TM9SF2: variants seen among roughly 807,000 people sequenced by gnomAD.
TM9SF2 encodes transmembrane 9 superfamily member 2.
In TM9SF2, 13 loss-of-function variants were observed where a neutral mutation model predicts 84.9. That is an observed-to-expected ratio of 0.15 (90% confidence interval 0.10 to 0.24). The LOEUF (loss-of-function observed/expected upper bound fraction) is 0.24. TM9SF2 is among the 10% of genes least tolerant of loss of function. The pLI is 1.00. For missense variants in TM9SF2, 562 were observed against 818.5 expected (o/e 0.69, Z 3.82); for synonymous variants, 273 against 285.8 (o/e 0.96, Z 0.45).
Position 99,501,674 on chromosome 13 carries a change from T to G in TM9SF2, c.68T>G (p.Leu23Arg), listed in dbSNP as rs767895232. 1.2e-6 allele frequency: 2 copies of G among 1,613,328 alleles called. No individual in the cohort carries two copies. The highest frequency in any genetic ancestry group is 1.7e-6 in the Non-Finnish European group (2 of 1,179,772). Residue 23 changes from leucine to arginine, a missense_variant, in exon 1 of 17, where the codon CTG becomes CGG. Leu to Arg is a moderately radical substitution (Grantham distance 102). Around this residue, in one of 4 missense-constraint regions of TM9SF2, gnomAD observed 267 missense variants for 316.7 expected, o/e 0.84. Transcript: ENST00000376387. ...CGGCTGTTGCTGCTGTCGCTGCTCCTGCTGGGGGCGGTTCCTGGCCCGCGC... is the reference window on the plus strand; with the variant it reads ...CGGCTGTTGCTGCTGTCGCTGCTCCGGCTGGGGGCGGTTCCTGGCCCGCGC... ...WPRLLLLSLLLLGAVPGPRRS... is the reference protein window; with the variant it reads ...WPRLLLLSLLRLGAVPGPRRS...
intron 5 of TM9SF2, among the ~76,000 whole-genome samples, chr13:99,537,201 G>T (rs543159280): frequency 2.8e-4 from 43 of 152,246 alleles, no homozygotes; most frequent in African/African-American, 9.1e-4. Flanking sequence ...TTAGAACTAG[G>T]TGGGGATATA....
rs1334793529 is a variant in TM9SF2 at position 99,539,461 on chromosome 13, T to C, written c.732T>C (p.His244=). 1 of 1,612,176 alleles carries C rather than the reference T, an allele frequency of 6.2e-7. No homozygotes were observed. Among genetic ancestry groups the C allele is most frequent in the South Asian group, 1.1e-5 (1 of 91,012 alleles). The change falls in exon 7 of 17, where the codon CAT becomes CAC. Residue 244 remains histidine, a synonymous_variant. Coordinates refer to ENST00000376387, the MANE Select transcript of TM9SF2 (RefSeq NM_004800.3). Reference sequence around the variant, plus strand: ...CTTCCCACAGCTTCAAACATACCCATATAGATAAACCAGACTGCTCAGGGC... The same window carrying C: ...CTTCCCACAGCTTCAAACATACCCACATAGATAAACCAGACTGCTCAGGGC... The part of the protein sequence containing the change: ...KLEPKSFKHT[H]IDKPDCSGPP...
intron 2 of TM9SF2, among the ~76,000 whole-genome samples, chr13:99,518,784 T>C (rs1212573765): frequency 6.9e-6 from 1 of 145,926 alleles, no homozygotes. Flanking sequence ...TTTTTTTTTT[T>C]TTAATTTTTT....
At chr13:99,533,533 T>G (rs2046219964) in intron 4 of TM9SF2, among the ~76,000 whole-genome samples, 1 of 152,270 alleles carries the variant, frequency 6.6e-6, no homozygotes, top group African/African-American at 2.4e-5. Context: ...ATTTCATAAT[T>G]CACTGCATGA....
At chr13:99,538,001 G>T in intron 6 of TM9SF2, 138 bp downstream of exon 6, 1 of 1,246,624 alleles carries the variant, frequency 8.0e-7, no homozygotes, top group Non-Finnish European at 1.1e-6. Context: ...GGCATGATTT[G>T]TTATTGTTAT....
intron 15 of TM9SF2, among the ~76,000 whole-genome samples, chr13:99,556,590 C>A (rs3031657): frequency 2.2e-4 from 13 of 59,576 alleles, no homozygotes; most frequent in East Asian, 1.4e-3. Context: ...TTTTTTTTTT[C>A]CTTTTTTTCT....
At chr13:99,527,686 T>G (rs2046189981) in intron 3 of TM9SF2, among the ~76,000 whole-genome samples, 1 of 152,196 alleles carries the variant, frequency 6.6e-6, no homozygotes. Flanking sequence ...CCTTATATGA[T>G]TTCCCTCAGA....
At chr13:99,554,573 A>G in intron 14 of TM9SF2, 118 bp downstream of exon 14, 2 of 1,131,188 alleles carry the variant, frequency 1.8e-6, no homozygotes, top group Non-Finnish European at 1.2e-6. Flanking sequence ...TTCAGTAACC[A>G]GAAATCTTAA....
At chr13:99,502,646 G>C (rs1478632491) in intron 1 of TM9SF2, among the ~76,000 whole-genome samples, 2 of 152,148 alleles carry the variant, frequency 1.3e-5, no homozygotes. Context: ...CTGCTTTTAG[G>C]TTATATGGTG....
intron 6 of TM9SF2, among the ~76,000 whole-genome samples, chr13:99,539,200 A>T (rs1484557398): frequency 2.0e-5 from 3 of 148,362 alleles, no homozygotes; most frequent in Non-Finnish European, 4.5e-5. Flanking sequence ...AGAGAGCAAG[A>T]CCCTGTCCCA....
At chr13:99,552,672 C>T (rs554802380) in intron 13 of TM9SF2, among the ~76,000 whole-genome samples, 4 of 152,166 alleles carry the variant, frequency 2.6e-5, no homozygotes, top group South Asian at 2.1e-4. Context: ...GGCGCCATCT[C>T]GGCTCACTGC....
At position 99,543,801 on chromosome 13, in the gene TM9SF2, A is replaced by ACTGTCTAT. The variant is rs1385542378; in HGVS notation, c.1018-61_1018-54dup. ...TAACAGCATATTCAACAGTGAACAA[A>ACTGTCTAT]CTGTCTATAGTTGTCTTGTTGATAC... is the stretch of plus-strand genomic sequence containing the variant. On this transcript the variant is annotated intron_variant, in intron 9 of 16. Transcript: ENST00000376387. 16 of 1,552,518 alleles carry ACTGTCTAT rather than the reference A, an allele frequency of 1.0e-5. No homozygotes were observed. In the Admixed American group the frequency reaches 3.2e-4, roughly 31 times the overall value.
At chr13:99,540,685 A>G in intron 7 of TM9SF2, 29 bp from the exon 8 acceptor site, 1 of 1,585,642 alleles carries the variant, frequency 6.3e-7, no homozygotes, top group Non-Finnish European at 8.6e-7. Flanking sequence ...GCAGATGTTT[A>G]CTTAAAGAGA....
chr13:99,515,763 C>T (rs1364874754), intron 1 of TM9SF2, among the ~76,000 whole-genome samples: 4 of 132,934 alleles, frequency 3.0e-5, no homozygotes, highest in East Asian at 2.1e-4. Context: ...AACGGAGTTT[C>T]GCTCTGTTGC....
intron 12 of TM9SF2, among the ~76,000 whole-genome samples, chr13:99,550,329 G>T (rs1340495710): frequency 6.6e-6 from 1 of 151,864 alleles, no homozygotes; most frequent in East Asian, 1.9e-4. Flanking sequence ...GTAAACATTT[G>T]CAGTGTAAAG....
Position 99,562,728 on chromosome 13 carries a change from C to T in TM9SF2, c.1962C>T (p.Thr654=), listed in dbSNP as rs139510935. ...TCTTTGCATGCTTTTGGTTTGTTAC[C>T]AAAATATACAGTGTGGTGAAGGTTG... ...IGFFACFWFV[T]KIYSVVKVD The change falls in exon 17 of 17, where the codon ACC becomes ACT. Residue 654 remains threonine, a synonymous_variant. Transcript: ENST00000376387. The T allele has an allele frequency of 8.4e-5, 136 of 1,612,836 alleles. No homozygotes were observed. Among genetic ancestry groups the T allele is most frequent in the Non-Finnish European group, 6.0e-5 (71 of 1,179,552 alleles).
At chr13:99,547,445 A>G (rs2046287504) in intron 11 of TM9SF2, among the ~76,000 whole-genome samples, 1 of 152,342 alleles carries the variant, frequency 6.6e-6, no homozygotes, top group African/African-American at 2.4e-5. Context: ...AGAAAAGTAT[A>G]CAAATGAGTA....
At chr13:99,508,404 A>AAC (rs61561266) in intron 1 of TM9SF2, among the ~76,000 whole-genome samples, 49,975 of 134,242 alleles carry the variant, frequency 0.37, 9,374 homozygotes, top group Middle Eastern at 0.48. Flanking sequence ...AGGCAAACAA[A>AAC]ACACACACAC....
chr13:99,536,759 T>C, intron 5 of TM9SF2, 22 bp downstream of exon 5: 1 of 1,608,898 alleles, frequency 6.2e-7, no homozygotes, highest in Non-Finnish European at 8.5e-7. Flanking sequence ...ATAAACTCTT[T>C]GCTGCTTTTT....
Sources: gnomAD v4.1 joint callset for allele counts (sites outside exome capture counted in the v4.1 genomes callset) on GRCh38, gnomAD v4.1.1 for gene constraint, gnomAD v4.1.1 regional missense constraint, MANE v1.5 for transcripts, NCBI Gene and HGNC (gene_info 2026-07-23, HGNC 2026-07-21) for gene names.